Variants in SPATA17 observed in about 807,000 individuals in gnomAD.
SPATA17 encodes spermatogenesis-associated protein 17.
SPATA17 carries 53 observed loss-of-function variants against 62.2 expected under a neutral mutation model. The observed-to-expected ratio is 0.85, with a 90% CI of 0.68 to 1.07. The LOEUF is 1.07. SPATA17 is among the 50% of genes least tolerant of loss of function. The pLI is 0.00. For missense variants in SPATA17, 466 were observed against 425.5 expected, an observed-to-expected ratio of 1.10 and a Z score of -0.84; for synonymous variants, 146 against 146.8, an observed-to-expected ratio of 0.99 and a Z score of 0.04.
At chr1:217,632,853 C>T (rs1425169313) in intron 1 of SPATA17, among the ~76,000 whole-genome samples, 1 of 152,184 alleles carries the variant, frequency 6.6e-6, no homozygotes, top group Admixed American at 6.5e-5. Flanking sequence ...AAATAAGCCC[C>T]ATCCATCATG....
chr1:217,855,831 A>G (rs901758336), intron 9 of SPATA17, among the ~76,000 whole-genome samples: 8 of 149,068 alleles, frequency 5.4e-5, no homozygotes, highest in African/African-American at 2.0e-4. Flanking sequence ...GGTTCAAGCT[A>G]TTCTCCTGCC....
At chr1:217,670,865 C>T (rs962455515) in intron 4 of SPATA17, among the ~76,000 whole-genome samples, 2 of 151,362 alleles carry the variant, frequency 1.3e-5, no homozygotes, top group African/African-American at 4.9e-5. Flanking sequence ...GCAGGAGAAT[C>T]CCTTGAGCCC....
At chr1:217,631,627 A>C (rs1669778531) in intron 1 of SPATA17, among the ~76,000 whole-genome samples, 181 bp downstream of exon 1, 1 of 152,212 alleles carries the variant, frequency 6.6e-6, no homozygotes, top group Admixed American at 6.5e-5. Context: ...ACGAAATTCT[A>C]AATAGAGAGG....
chr1:217,824,547 A>T lies in SPATA17; in HGVS notation c.1005+22697A>T, dbSNP rs944281363. 2.0e-5 allele frequency among the ~76,000 whole-genome samples: 3 copies of T among 151,180 alleles called. No individual in the cohort carries two copies. The East Asian group carries it at 5.9e-4, about 30-fold the overall frequency. On this transcript the variant is annotated intron_variant, in intron 9 of 10. Transcript: ENST00000366933. The stretch of plus-strand genomic sequence containing the variant: ...GCCACTATCCTCAATTTTTTAAATG[A>T]TTTCTTTGGTTTTCTCTATACTGTT...
At chr1:217,857,668 T>C (rs991060856) in intron 9 of SPATA17, among the ~76,000 whole-genome samples, 3 of 152,194 alleles carry the variant, frequency 2.0e-5, no homozygotes, top group Admixed American at 6.5e-5. Context: ...TTTAAACAAA[T>C]GCTAATCAAC....
At chr1:217,683,236 A>T in intron 4 of SPATA17, 22 bp from the exon 5 acceptor site, 1 of 1,517,298 alleles carries the variant, frequency 6.6e-7, no homozygotes, top group Non-Finnish European at 9.0e-7. Context: ...GGCATATTTT[A>T]TCTCTTTATT....
chr1:217,802,590 C>T (rs1436216862), intron 9 of SPATA17, among the ~76,000 whole-genome samples: 1 of 152,136 alleles, frequency 6.6e-6, no homozygotes, highest in Non-Finnish European at 1.5e-5. Context: ...AGAGAGAGAG[C>T]AGGCTGTCTT....
intron 5 of SPATA17, among the ~76,000 whole-genome samples, chr1:217,725,216 T>C (rs909320195): frequency 6.6e-6 from 1 of 152,208 alleles, no homozygotes; most frequent in Non-Finnish European, 1.5e-5. Context: ...TTGCTTCATC[T>C]CTTACTGTAA....
intron 9 of SPATA17, among the ~76,000 whole-genome samples, chr1:217,856,897 T>C (rs1182485769): frequency 6.6e-6 from 1 of 152,196 alleles, no homozygotes; most frequent in African/African-American, 2.4e-5. Context: ...TAAACTCTCA[T>C]TTAGAGTCTG....
At chr1:217,704,172 A>G (rs1297505972) in intron 5 of SPATA17, among the ~76,000 whole-genome samples, 4 of 140,036 alleles carry the variant, frequency 2.9e-5, no homozygotes, top group Non-Finnish European at 6.1e-5. Context: ...CACCCAGATG[A>G]TAAGTATAGC....
Position 217,758,718 on chromosome 1 carries a change from A to G in SPATA17, c.520-15616A>G, listed in dbSNP as rs1478639577. Among the ~76,000 whole-genome samples, 3 of 152,226 alleles carry G rather than the reference A, an allele frequency of 2.0e-5. No homozygotes were observed. The East Asian group carries it at 5.8e-4, about 29-fold the overall frequency. ...ACAATGGAACTCAGATGAGCAAGGA[A>G]CTAAGTGAGGGTGAAAAGGAGACAA... On this transcript the variant is annotated intron_variant, in intron 6 of 10. Coordinates refer to ENST00000366933, the MANE Select transcript of SPATA17 (RefSeq NM_138796.4).
At chr1:217,709,987 C>A (rs1468988967) in intron 5 of SPATA17, among the ~76,000 whole-genome samples, 1 of 152,090 alleles carries the variant, frequency 6.6e-6, no homozygotes, top group Non-Finnish European at 1.5e-5. Context: ...GGGGTTAAAT[C>A]ATTTAAAGAA....
intron 2 of SPATA17, among the ~76,000 whole-genome samples, chr1:217,650,713 T>C (rs1050487053): frequency 6.6e-6 from 1 of 152,218 alleles, no homozygotes; most frequent in Non-Finnish European, 1.5e-5. Flanking sequence ...CATGAGCCAC[T>C]GCGCCCGGCC....
At chr1:217,739,264 AT>A in intron 5 of SPATA17, among the ~76,000 whole-genome samples, 1 of 152,338 alleles carries the variant, frequency 6.6e-6, no homozygotes, top group Non-Finnish European at 1.5e-5. Context: ...TGCATGGCTA[AT>A]TTAATAAAAA....
intron 5 of SPATA17, among the ~76,000 whole-genome samples, chr1:217,697,316 C>A (rs1671481644): frequency 6.6e-6 from 1 of 152,098 alleles, no homozygotes; most frequent in African/African-American, 2.4e-5. Flanking sequence ...ATTGTCCTTG[C>A]AAGATTTTCA....
intron 8 of SPATA17, among the ~76,000 whole-genome samples, chr1:217,793,620 G>T (rs1674060558): frequency 6.6e-6 from 1 of 152,052 alleles, no homozygotes; most frequent in South Asian, 2.1e-4. Flanking sequence ...TGGTTCAGTA[G>T]GCATATATAT....
intron 9 of SPATA17, among the ~76,000 whole-genome samples, chr1:217,827,039 T>C (rs1675016024): frequency 6.6e-6 from 1 of 152,084 alleles, no homozygotes; most frequent in African/African-American, 2.4e-5. Flanking sequence ...ACTTATGTTA[T>C]AGTGATATTC....
chr1:217,770,307 C>G lies in SPATA17; in HGVS notation c.520-4027C>G, dbSNP rs1425758404. Among the ~76,000 whole-genome samples the G allele has an allele frequency of 2.6e-5, 4 of 152,160 alleles. No homozygotes were observed. In the East Asian group the frequency reaches 7.7e-4, roughly 29 times the overall value. On this transcript the variant is annotated intron_variant, in intron 6 of 10. Transcript: ENST00000366933. ...TTATTCCTATTTGTGGTCAGCCACT[C>G]TTTTTTGCTGCGTAATTGTCATTTG...
chr1:217,754,291 A>G (rs1672987425), intron 6 of SPATA17, among the ~76,000 whole-genome samples: 1 of 152,188 alleles, frequency 6.6e-6, no homozygotes, highest in African/African-American at 2.4e-5. Context: ...GTTAATTACA[A>G]TCAATTCTGT....
Sources: gnomAD v4.1 joint callset for allele counts (sites outside exome capture counted in the v4.1 genomes callset) on GRCh38, gnomAD v4.1.1 for gene constraint, MANE v1.5 for transcripts, NCBI Gene and HGNC (gene_info 2026-07-23, HGNC 2026-07-21) for gene names.